Variants in GRK3 observed in about 807,000 individuals in gnomAD.
GRK3 encodes the protein adrenergic, beta, receptor kinase 2.
Under a neutral mutation model 95.7 loss-of-function variants are expected in GRK3, and 54 were observed. That is an observed-to-expected ratio of 0.56 (90% CI 0.45 to 0.71). GRK3 has a LOEUF of 0.71. Among genes scored for constraint, GRK3 ranks in the 30% least tolerant of loss-of-function variants. The pLI, the probability that GRK3 is intolerant of heterozygous loss-of-function variation, is 0.00. For synonymous variants in GRK3, 281 were observed against 290.8 expected (o/e 0.97, Z 0.34); for missense variants, 649 against 851.2 (o/e 0.76, Z 2.96).
At chr22:25,621,702 A>G (rs1027807043) in intron 2 of GRK3, among the ~76,000 whole-genome samples, 7 of 152,218 alleles carry the variant, frequency 4.6e-5, no homozygotes, top group Admixed American at 1.3e-4. Context: ...ATGAAACTCT[A>G]TTCCACAAGG....
intron 3 of GRK3, chr22:25,647,135 A>G (rs2084790926): frequency 2.5e-6 from 1 of 402,612 alleles, no homozygotes; most frequent in Non-Finnish European, 4.4e-6. Context: ...TTCCTTCAAA[A>G]ATGGAGGACG....
chr22:25,667,541 A>T lies in GRK3; in HGVS notation c.442-198A>T, dbSNP rs557439143. ...ACAGGGCAGACTTGTCTGTGTCTTC[A>T]TAGAATCAAGTGGTGTAGATAAATA... On this transcript the variant is annotated intron_variant, in intron 5 of 20. Coordinates refer to ENST00000324198, the MANE Select transcript of GRK3 (RefSeq NM_005160.4). Among the ~76,000 whole-genome samples, 12 of 152,344 alleles carry T rather than the reference A, an allele frequency of 7.9e-5. No individual in the cohort carries two copies. The South Asian group carries it at 2.5e-3, about 32-fold the overall frequency.
Position 25,648,843 on chromosome 22 carries a change from G to A in GRK3, c.264+4178G>A, listed in dbSNP as rs1005225233. On this transcript the variant is annotated intron_variant, in intron 3 of 20. Transcript: ENST00000324198. The stretch of plus-strand genomic sequence containing the variant: ...AGAAAATCTTCTGTGCAAAATAGCA[G>A]ATTTTGGTTTAGCAAGGTTAATTGA... 2.7e-6 allele frequency: 3 copies of A among 1,117,596 alleles called. No homozygotes were observed. The African/African-American group carries it at 4.6e-5, about 17-fold the overall frequency. The allele number at this position is 1,117,596 out of a possible 1,614,324, so 69.2% of individuals were successfully genotyped here.
chr22:25,609,845 CTTTT>C (rs980049696), intron 2 of GRK3, among the ~76,000 whole-genome samples: 2 of 127,856 alleles, frequency 1.6e-5, no homozygotes, highest in Non-Finnish European at 3.4e-5. Flanking sequence ...GCAATTTTTA[CTTTT>C]TTTTTTTTTT....
chr22:25,603,451 G>C (rs1361511385), intron 1 of GRK3, among the ~76,000 whole-genome samples: 1 of 152,124 alleles, frequency 6.6e-6, no homozygotes, highest in South Asian at 2.1e-4. Context: ...AAAGTTGAAT[G>C]TATGTGTGGT....
At chr22:25,689,869 A>C (rs1158268289) in intron 11 of GRK3, among the ~76,000 whole-genome samples, 2 of 152,198 alleles carry the variant, frequency 1.3e-5, no homozygotes, top group African/African-American at 4.8e-5. Context: ...GCTGCGCAAC[A>C]GTCCTTGGTA....
Position 25,668,089 on chromosome 22 carries a change from T to G in GRK3, c.503+289T>G, listed in dbSNP as rs546795242. Among the ~76,000 whole-genome samples the G allele has an allele frequency of 4.6e-5, 7 of 152,362 alleles. No individual in the cohort carries two copies. In the East Asian group the frequency reaches 1.3e-3, roughly 29 times the overall value. On this transcript the variant is annotated intron_variant, in intron 6 of 20. Coordinates refer to ENST00000324198, the MANE Select transcript of GRK3 (RefSeq NM_005160.4). The stretch of plus-strand genomic sequence containing the variant: ...AAAAAGTATCTTATTGAGAGACCTT[T>G]GCTAATAATGCAAACTTGACTATAA...
At chr22:25,710,032 AGTTTCTGTCTCT>A in intron 16 of GRK3, 68 bp downstream of exon 16, 1 of 1,207,556 alleles carries the variant, frequency 8.3e-7, no homozygotes. Context: ...TCTCTGTCTC[AGTTTCTGTCTCT>A]GTCTCTCTAT....
At chr22:25,715,050 C>T (rs1051811044) in intron 18 of GRK3, 2 of 152,786 alleles carry the variant, frequency 1.3e-5, no homozygotes, top group East Asian at 1.9e-4. Context: ...GAACTTAGCA[C>T]GACATGTCAC....
intron 8 of GRK3, 26 bp downstream of exon 8, chr22:25,674,554 T>G: frequency 6.8e-7 from 1 of 1,474,592 alleles, no homozygotes; most frequent in Admixed American, 1.8e-5. Context: ...TCTTATGTTT[T>G]ACTGGCACTA....
intron 3 of GRK3, among the ~76,000 whole-genome samples, chr22:25,646,818 C>G (rs2084786049): frequency 6.6e-6 from 1 of 151,916 alleles, no homozygotes; most frequent in Non-Finnish European, 1.5e-5. Flanking sequence ...GTCAGGAGTT[C>G]AAGACCAGCC....
rs1931376796 is a variant in GRK3 at position 25,564,814 on chromosome 22, C to G, written c.-227C>G. On this transcript the variant is annotated 5_prime_UTR_variant, in exon 1 of 21. Transcript: ENST00000324198. ...CGTGCGCGGGGCGCCGGGCGGCGCG[C>G]GAGGGGGCGGAGCGGGGAGGCGTGC... is the stretch of plus-strand genomic sequence containing the variant. 6.8e-6 allele frequency: 1 copy of G among 146,922 alleles called. No homozygotes were observed. Among genetic ancestry groups the G allele is most frequent in the Non-Finnish European group, 1.5e-5 (1 of 66,276 alleles). 9.1% of individuals were successfully genotyped at this position (146,922 alleles called of 1,614,324 possible).
chr22:25,694,420 A>T (rs1168807545), intron 12 of GRK3, among the ~76,000 whole-genome samples: 2 of 152,206 alleles, frequency 1.3e-5, no homozygotes, highest in East Asian at 3.9e-4. Flanking sequence ...CGAATTGCAG[A>T]TGGTGCAGAT....
At chr22:25,721,913 A>G (rs1399315034) in intron 20 of GRK3, among the ~76,000 whole-genome samples, 1 of 152,260 alleles carries the variant, frequency 6.6e-6, no homozygotes, top group African/African-American at 2.4e-5. Flanking sequence ...TACTAACATC[A>G]GTACTACATT....
rs148037930 is a variant in GRK3 at position 25,602,635 on chromosome 22, A to G, written c.114-1742A>G. 7.9e-5 allele frequency among the ~76,000 whole-genome samples: 12 copies of G among 152,376 alleles called. No individual in the cohort carries two copies. In the East Asian group the frequency reaches 2.3e-3, roughly 29 times the overall value. On this transcript the variant is annotated intron_variant, in intron 1 of 20. Transcript: ENST00000324198. ...GCATGCTGTTTGGCATTAGAAAGGA[A>G]CGAAATACTTATGCACATAGCAATA... is the stretch of plus-strand genomic sequence containing the variant.
intron 13 of GRK3, among the ~76,000 whole-genome samples, chr22:25,696,077 C>G (rs979487503): frequency 2.6e-5 from 4 of 152,002 alleles, no homozygotes; most frequent in Non-Finnish European, 5.9e-5. Context: ...CTGGGTGATC[C>G]GCCTGCCTTG....
chr22:25,709,994 G>A, intron 16 of GRK3, 30 bp downstream of exon 16: 1 of 1,518,864 alleles, frequency 6.6e-7, no homozygotes, highest in East Asian at 2.3e-5. Context: ...TCTACTTACG[G>A]TACTGCCGCC....
At chr22:25,644,842 G>T (rs898863456) in intron 3 of GRK3, among the ~76,000 whole-genome samples, 177 bp downstream of exon 3, 1 of 152,200 alleles carries the variant, frequency 6.6e-6, no homozygotes. Flanking sequence ...AGCTGAGTAT[G>T]CCATAAAAGT....
intron 10 of GRK3, among the ~76,000 whole-genome samples, chr22:25,685,569 C>T (rs2085106497): frequency 6.6e-6 from 1 of 152,182 alleles, no homozygotes; most frequent in Admixed American, 6.5e-5. Context: ...TGGCCCTCAA[C>T]TTTTAGGAAT....
Sources: allele counts gnomAD v4.1 joint callset (sites outside exome capture counted in the v4.1 genomes callset), GRCh38; gene constraint gnomAD v4.1.1; transcripts MANE v1.5; gene names NCBI Gene and HGNC (gene_info 2026-07-23, HGNC 2026-07-21).